Variants in TULP3 observed in about 807,000 individuals in gnomAD.
TULP3 encodes tubby-related protein 3.
Under a neutral mutation model 50.7 loss-of-function variants are expected in TULP3, and 38 were observed. The ratio of observed to expected loss-of-function variants is 0.75; its 90% CI spans 0.58 to 0.98. The LOEUF is 0.98. Among genes scored for constraint, TULP3 ranks in the 50% least tolerant of loss-of-function variants. TULP3 has a pLI of 0.00. For synonymous variants in TULP3, 183 were observed against 196.6 expected, an observed-to-expected ratio of 0.93 and a Z score of 0.58; for missense variants, 550 against 568.0, an observed-to-expected ratio of 0.97 and a Z score of 0.32.
At chr12:2,913,831 GA>G (rs899573728) in intron 2 of TULP3, among the ~76,000 whole-genome samples, 5 of 151,844 alleles carry the variant, frequency 3.3e-5, no homozygotes, top group African/African-American at 1.2e-4. Flanking sequence ...GGCTGATCTC[GA>G]ACTCCTAACC....
intron 8 of TULP3, among the ~76,000 whole-genome samples, chr12:2,936,425 T>C (rs2098201301): frequency 1.3e-5 from 2 of 151,566 alleles, no homozygotes; most frequent in South Asian, 4.2e-4. Flanking sequence ...TTGAACAGTT[T>C]GTTCACAGTT....
At chr12:2,910,000 C>T (rs2098184547) in intron 2 of TULP3, among the ~76,000 whole-genome samples, 1 of 152,170 alleles carries the variant, frequency 6.6e-6, no homozygotes, top group South Asian at 2.1e-4. Context: ...GCTTTCAAAT[C>T]TCCATCGCAG....
intron 1 of TULP3, among the ~76,000 whole-genome samples, chr12:2,909,152 G>A (rs959207857): frequency 6.6e-6 from 1 of 152,108 alleles, no homozygotes; most frequent in Non-Finnish European, 1.5e-5. Context: ...AAAAATAATG[G>A]TACCTAGTTC....
intron 1 of TULP3, among the ~76,000 whole-genome samples, chr12:2,896,131 G>C (rs1190919180): frequency 6.6e-6 from 1 of 151,956 alleles, no homozygotes; most frequent in Admixed American, 6.6e-5. Flanking sequence ...GTAGAAACGG[G>C]GTTTTACCAT....
chr12:2,927,485 G>A (rs952087042), intron 4 of TULP3, among the ~76,000 whole-genome samples: 15 of 148,926 alleles, frequency 1.0e-4, no homozygotes, highest in African/African-American at 3.0e-4. Context: ...TCTTGCCTCA[G>A]CCTCCTGAGT....
chr12:2,911,332 A>G (rs922737544), intron 2 of TULP3, among the ~76,000 whole-genome samples: 1 of 151,680 alleles, frequency 6.6e-6, no homozygotes, highest in Non-Finnish European at 1.5e-5. Flanking sequence ...GACTTTTAAT[A>G]TATCTTCCAG....
At chr12:2,923,077 A>G (rs2098192715) in intron 4 of TULP3, among the ~76,000 whole-genome samples, 1 of 151,822 alleles carries the variant, frequency 6.6e-6, no homozygotes, top group Non-Finnish European at 1.5e-5. Context: ...GGATGGTATC[A>G]ATCTCCTGAC....
intron 4 of TULP3, among the ~76,000 whole-genome samples, chr12:2,922,644 A>G (rs560263794): frequency 6.6e-6 from 1 of 152,276 alleles, no homozygotes; most frequent in South Asian, 2.1e-4. Context: ...GCTGCCATAG[A>G]TGGCCATAGA....
chr12:2,900,491 A>G (rs73040581), intron 1 of TULP3, among the ~76,000 whole-genome samples: 13,429 of 152,232 alleles, frequency 0.088, 657 homozygotes, highest in East Asian at 0.14. Flanking sequence ...ACAAAAGTAA[A>G]GCCTAAGGGA....
At chr12:2,923,006 A>G (rs1484311588) in intron 4 of TULP3, among the ~76,000 whole-genome samples, 2 of 151,762 alleles carry the variant, frequency 1.3e-5, no homozygotes, top group Non-Finnish European at 2.9e-5. Context: ...GGCGCCCGCC[A>G]CCACGCCTGG....
chr12:2,914,185 C>T (rs573379373), intron 2 of TULP3, among the ~76,000 whole-genome samples: 8 of 139,550 alleles, frequency 5.7e-5, no homozygotes, highest in East Asian at 2.1e-4. Flanking sequence ...AGTACAATGG[C>T]GCAATCTTGG....
At chr12:2,924,273 G>A (rs201077704) in intron 4 of TULP3, among the ~76,000 whole-genome samples, 16 of 152,144 alleles carry the variant, frequency 1.1e-4, no homozygotes, top group East Asian at 1.9e-4. Context: ...AGCTCAGGGC[G>A]TGTGGTCATA....
At chr12:2,916,243 C>A (rs1439431191) in intron 2 of TULP3, among the ~76,000 whole-genome samples, 1 of 152,230 alleles carries the variant, frequency 6.6e-6, no homozygotes, top group East Asian at 1.9e-4. Context: ...CTCAAGAGAT[C>A]GGCCCACCTC....
At chr12:2,921,000 A>G in intron 3 of TULP3, 78 bp downstream of exon 3, 1 of 1,539,868 alleles carries the variant, frequency 6.5e-7, no homozygotes, top group Non-Finnish European at 8.9e-7. Context: ...TGTCAGACGG[A>G]CCAAAGGGAC....
At chr12:2,917,734 G>A (rs1003074711) in intron 2 of TULP3, among the ~76,000 whole-genome samples, 7 of 151,678 alleles carry the variant, frequency 4.6e-5, no homozygotes, top group South Asian at 2.1e-4. Context: ...AAAATTAGCC[G>A]GGCGCGGTGC....
intron 2 of TULP3, among the ~76,000 whole-genome samples, chr12:2,912,755 G>A (rs1357691566): frequency 6.6e-6 from 1 of 152,162 alleles, no homozygotes; most frequent in African/African-American, 2.4e-5. Context: ...GGAAGTTTGC[G>A]ATCGGGACAT....
At chr12:2,905,140 G>T (rs980584785) in intron 1 of TULP3, among the ~76,000 whole-genome samples, 2 of 150,322 alleles carry the variant, frequency 1.3e-5, no homozygotes, top group African/African-American at 4.9e-5. Context: ...TGATATTCCA[G>T]ATTAGACTAG....
At chr12:2,894,809 G>A (rs2098174534) in intron 1 of TULP3, among the ~76,000 whole-genome samples, 1 of 115,100 alleles carries the variant, frequency 8.7e-6, no homozygotes, top group African/African-American at 2.5e-5. Flanking sequence ...CAGAAGAATT[G>A]TTTGAACCTG....
intron 7 of TULP3, among the ~76,000 whole-genome samples, chr12:2,933,843 G>A (rs535303868): frequency 2.6e-4 from 39 of 151,898 alleles, no homozygotes; most frequent in African/African-American, 8.2e-4. Flanking sequence ...CCAGCTACCC[G>A]GGAGGCTGAA....
Sources: allele counts gnomAD v4.1 joint callset (sites outside exome capture counted in the v4.1 genomes callset), GRCh38; gene constraint gnomAD v4.1.1; transcripts MANE v1.5; gene names NCBI Gene and HGNC (gene_info 2026-07-23, HGNC 2026-07-21).